ARID3C: variants seen among roughly 807,000 people sequenced by gnomAD.
The protein encoded by ARID3C is AT-rich interaction domain 3C, also known as AT-rich interactive domain-containing protein 3C.
In ARID3C, 42 loss-of-function variants were observed where a neutral mutation model predicts 37.9. The observed-to-expected ratio is 1.11, with a 90% CI of 0.87 to 1.43. ARID3C has a LOEUF of 1.43. ARID3C is among the 40% of genes most tolerant of loss of function. The probability of loss-of-function intolerance (pLI) is 0.00; values close to 1 mark genes in which losing one functional copy is unlikely to be tolerated. For missense variants in ARID3C, 581 were observed against 548.8 expected (o/e 1.06, Z -0.59); for synonymous variants, 213 against 228.0 (o/e 0.93, Z 0.59).
chr9:34,622,446 C>T, exon 5 of ARID3C: 1 of 1,614,142 alleles, frequency 6.2e-7, no homozygotes, highest in Non-Finnish European at 8.5e-7. Context: ...TCTGGGGGCT[C>T]CTCTGGTGCC....
intron 1 of ARID3C, among the ~76,000 whole-genome samples, chr9:34,627,406 G>A (rs1820670086): frequency 6.6e-6 from 1 of 152,190 alleles, no homozygotes; most frequent in African/African-American, 2.4e-5. Flanking sequence ...ACTTTGGGAA[G>A]CTGAGGTGGG....
chr9:34,621,632 G>A (rs1820563582), intron 6 of ARID3C, 74 bp from the exon 8 acceptor site: 6 of 1,102,606 alleles, frequency 5.4e-6, no homozygotes, highest in Non-Finnish European at 7.8e-6. Flanking sequence ...CAGAAGAGGG[G>A]AACAAAAGTA....
exon 4 of ARID3C, chr9:34,623,583 C>T (rs776444205): frequency 1.4e-5 from 22 of 1,608,476 alleles, no homozygotes; most frequent in Non-Finnish European, 1.9e-5. Context: ...CCCTGCCAAG[C>T]CGAAGAGCGG....
At chr9:34,627,958 C>T in exon 1 of ARID3C, 1 of 1,546,092 alleles carries the variant, frequency 6.5e-7, no homozygotes, top group Non-Finnish European at 8.7e-7. Context: ...ATGCAGGGGC[C>T]AATGGCCCCA....
intron 6 of ARID3C, 101 bp from the exon 8 acceptor site, chr9:34,621,659 G>A (rs1035734550): frequency 8.0e-6 from 7 of 874,840 alleles, no homozygotes; most frequent in Admixed American, 6.1e-5. Flanking sequence ...CTGGTTGCTA[G>A]AACACTACAC....
At chr9:34,624,129 G>A in intron 2 of ARID3C, 82 bp from the exon 4 acceptor site, 3 of 1,431,856 alleles carry the variant, frequency 2.1e-6, no homozygotes, top group Non-Finnish European at 1.9e-6. Context: ...CAGGACGGGA[G>A]CCCCGGGGAG....
chr9:34,621,685 A>C (rs1294535692), intron 6 of ARID3C, 127 bp from the exon 8 acceptor site: 4 of 723,564 alleles, frequency 5.5e-6, no homozygotes, highest in Non-Finnish European at 9.2e-6. Flanking sequence ...CCCCTGCCAC[A>C]AACCAATGAG....
chr9:34,629,951 T>TG (rs1343034933), upstream of ARID3C, among the ~76,000 whole-genome samples: 2 of 151,914 alleles, frequency 1.3e-5, no homozygotes, highest in African/African-American at 2.4e-5. Context: ...TTAGTAGAGA[T>TG]GGGGTTTCAC....
intron 3 of ARID3C, 22 bp from the exon 5 acceptor site, chr9:34,623,736 T>C: frequency 6.6e-7 from 1 of 1,510,614 alleles, no homozygotes; most frequent in Non-Finnish European, 8.8e-7. Flanking sequence ...CAGCGGGCGG[T>C]GAGTGTATGG....
chr9:34,622,991 C>A (rs1282099238), intron 4 of ARID3C, among the ~76,000 whole-genome samples: 1 of 151,530 alleles, frequency 6.6e-6, no homozygotes, highest in African/African-American at 2.4e-5. Flanking sequence ...ACTAAAAATA[C>A]AAAAATTAGC....
rs746210181 is a variant in ARID3C at position 34,628,034 on chromosome 9, C to T, written c.-20G>A. On this transcript the variant is annotated 5_prime_UTR_variant, in exon 1 of 7. Transcript: ENST00000378909. The surrounding 1 kb of genome is among the most constrained non-coding windows in gnomAD (Gnocchi z 5.2). ...CTCCATGACAGCTTCCAGGCGCAGT[C>T]CCCCAGCTGAGGGGGTCCCTGGTAC... 5 of 1,460,376 alleles carry T rather than the reference C, an allele frequency of 3.4e-6. No homozygotes were observed. The highest frequency in any genetic ancestry group is 4.5e-6 in the Non-Finnish European group (5 of 1,105,974). 90.5% of individuals were successfully genotyped at this position (1,460,376 alleles called of 1,614,324 possible).
In ARID3C at chr9:34,622,129, G is replaced by A. The variant is rs762353711; in HGVS notation, c.1049-20C>T. ...GCTCTTCTGTCCAGGAGGGGGCAGA[G>A]GAATCACATTTTGGAGAATCAGACT... On this transcript the variant is annotated intron_variant, in intron 5 of 6. Coordinates refer to ENST00000378909, the Ensembl canonical transcript of ARID3C. 1 of 1,612,842 alleles carries A rather than the reference G, an allele frequency of 6.2e-7. No homozygotes were observed. The highest frequency in any genetic ancestry group is 1.3e-5 in the African/African-American group (1 of 74,882).
chr9:34,623,673 GCTC>G, exon 4 of ARID3C: 1 of 1,580,352 alleles, frequency 6.3e-7, no homozygotes. Flanking sequence ...GGAGCTGAGC[GCTC>G]GAGTCTCGCA....
upstream of ARID3C, among the ~76,000 whole-genome samples, chr9:34,629,658 C>T (rs1274387564): frequency 6.6e-6 from 1 of 152,274 alleles, no homozygotes; most frequent in African/African-American, 2.4e-5. Flanking sequence ...TTTAAGCTGA[C>T]TGCACACTCA....
At chr9:34,622,584 G>C (rs1820591155) in intron 4 of ARID3C, 55 bp from the exon 6 acceptor site, 1 of 1,513,980 alleles carries the variant, frequency 6.6e-7, no homozygotes, top group Non-Finnish European at 8.9e-7. Context: ...CTCTGCATTG[G>C]TTCTCCCCCA....
chr9:34,626,143 T>G (rs985560080), intron 1 of ARID3C, among the ~76,000 whole-genome samples: 2 of 152,162 alleles, frequency 1.3e-5, no homozygotes, highest in African/African-American at 4.8e-5. Context: ...CATGGGAAAT[T>G]TAGAGCCCCA....
chr9:34,629,300 C>G (rs1025843947), upstream of ARID3C, among the ~76,000 whole-genome samples: 1 of 152,214 alleles, frequency 6.6e-6, no homozygotes, highest in African/African-American at 2.4e-5. Context: ...ACAAGTCGTG[C>G]CCCCGACACC....
chr9:34,625,154 T>G (rs1820637655), intron 2 of ARID3C, among the ~76,000 whole-genome samples: 1 of 151,994 alleles, frequency 6.6e-6, no homozygotes, highest in Admixed American at 6.6e-5. Context: ...CAGAGAGAGA[T>G]AATGAGTCAG....
At position 34,622,340 on chromosome 9, in the gene ARID3C, T is replaced by G. The variant is rs1820583196; in HGVS notation, c.1048+7A>C. ...CCGAAGCCCCCTCACAACAAGCCCC[T>G]CCTCACCCCTCAGGGGAACCTTGCC... On this transcript the variant is annotated splice_region_variant and intron_variant, in intron 5 of 6. Coordinates refer to ENST00000378909, the Ensembl canonical transcript of ARID3C. The G allele has an allele frequency of 6.2e-7, 1 of 1,600,188 alleles. No homozygotes were observed. Among genetic ancestry groups the G allele is most frequent in the Non-Finnish European group, 8.5e-7 (1 of 1,173,128 alleles).
Sources: gnomAD v4.1 joint callset for allele counts (sites outside exome capture counted in the v4.1 genomes callset) on GRCh38, gnomAD v4.1.1 for gene constraint, Gnocchi (gnomAD v3.1) non-coding constraint, MANE v1.5 for transcripts, NCBI Gene and HGNC (gene_info 2026-07-23, HGNC 2026-07-21) for gene names.